Variants in NPAS3 observed in about 807,000 individuals in gnomAD.
The protein encoded by NPAS3 is neuronal PAS domain-containing protein 3.
A neutral mutation model predicts 73.1 loss-of-function variants in NPAS3; 14 were observed. The observed-to-expected ratio is 0.19, with a 90% CI of 0.13 to 0.30. NPAS3 has a LOEUF of 0.30. Among genes scored for constraint, NPAS3 ranks in the 10% least tolerant of loss-of-function variants. The pLI, the probability that NPAS3 is intolerant of heterozygous loss-of-function variation, is 1.00. For synonymous variants in NPAS3, 620 were observed against 541.5 expected, an observed-to-expected ratio of 1.14 and a Z score of -2.01; for missense variants, 1,096 against 1,250.0, an observed-to-expected ratio of 0.88 and a Z score of 1.86.
At chr14:33,358,267 T>G (rs140171012) in intron 3 of NPAS3, among the ~76,000 whole-genome samples, 141 of 152,198 alleles carry the variant, frequency 9.3e-4, no homozygotes, top group Admixed American at 5.8e-3. Context: ...ATTGTAAAGT[T>G]GGGGTTTTCA....
At chr14:33,637,915 G>T (rs1023591789) in intron 5 of NPAS3, among the ~76,000 whole-genome samples, 2 of 152,200 alleles carry the variant, frequency 1.3e-5, no homozygotes, top group African/African-American at 4.8e-5. Flanking sequence ...CCACAAAGGA[G>T]CTGGGCTTTA....
chr14:33,771,709 G>T lies in NPAS3; in HGVS notation c.853-2628G>T, dbSNP rs1227195448. The stretch of plus-strand genomic sequence containing the variant: ...GCCTGTGGTCCCAGCTACTCAGGAG[G>T]CTGAGGCAGGAGAATGGCGTGAACC... On this transcript the variant is annotated intron_variant, in intron 7 of 11. Coordinates refer to ENST00000356141, the Ensembl canonical transcript of NPAS3. 5.3e-5 allele frequency among the ~76,000 whole-genome samples: 8 copies of T among 152,224 alleles called. No individual in the cohort carries two copies. The East Asian group carries it at 1.5e-3, about 29-fold the overall frequency.
At chr14:33,742,143 A>C (rs2061670678) in intron 7 of NPAS3, among the ~76,000 whole-genome samples, 1 of 152,194 alleles carries the variant, frequency 6.6e-6, no homozygotes, top group Non-Finnish European at 1.5e-5. Flanking sequence ...AGACCTAAGA[A>C]CTAAAAAACA....
chr14:33,445,170 G>T (rs2049428494), intron 4 of NPAS3, among the ~76,000 whole-genome samples: 1 of 152,100 alleles, frequency 6.6e-6, no homozygotes, highest in Non-Finnish European at 1.5e-5. Context: ...TGTTCTCCAT[G>T]CATGAGTCAC....
intron 4 of NPAS3, among the ~76,000 whole-genome samples, chr14:33,471,861 C>T (rs982257369): frequency 5.3e-5 from 8 of 152,188 alleles, no homozygotes; most frequent in African/African-American, 9.7e-5. Flanking sequence ...TCTGTATTTA[C>T]AGCCGCTCCC....
intron 10 of NPAS3, among the ~76,000 whole-genome samples, chr14:33,797,054 G>A (rs1430019224): frequency 6.6e-6 from 1 of 152,142 alleles, no homozygotes. Context: ...CAAAACAAAG[G>A]TACTGAGGCC....
chr14:33,247,352 C>T lies in NPAS3; in HGVS notation c.385+31926C>T, dbSNP rs190768807. On this transcript the variant is annotated intron_variant, in intron 3 of 11. Coordinates refer to ENST00000356141, the Ensembl canonical transcript of NPAS3. ...CCTCAAATAGCTGATTATGAATAGA[C>T]GGTATTGCCTTTTGTTTTACATTAC... is the stretch of plus-strand genomic sequence containing the variant. Among the ~76,000 whole-genome samples, 533 of 152,194 alleles carry T rather than the reference C, an allele frequency of 3.5e-3. 4 individuals are homozygous for T. The highest frequency in any genetic ancestry group is 0.012 in the African/African-American group (503 of 41,514).
At chr14:33,357,166 T>C (rs1444042285) in intron 3 of NPAS3, among the ~76,000 whole-genome samples, 2 of 152,212 alleles carry the variant, frequency 1.3e-5, no homozygotes, top group Non-Finnish European at 2.9e-5. Flanking sequence ...CTTTTGTTTA[T>C]GTGAAATTAG....
chr14:32,937,235 A>C (rs1480269971), upstream of NPAS3, among the ~76,000 whole-genome samples: 1 of 152,080 alleles, frequency 6.6e-6, no homozygotes. Flanking sequence ...GGACAGACTT[A>C]GTTTCCGCTT....
At chr14:33,501,380 A>C (rs1312830343) in intron 4 of NPAS3, among the ~76,000 whole-genome samples, 1 of 151,898 alleles carries the variant, frequency 6.6e-6, no homozygotes, top group Non-Finnish European at 1.5e-5. Flanking sequence ...GTAGTATTAA[A>C]AGGTGGATTT....
chr14:33,249,884 C>T (rs1010651537), intron 3 of NPAS3, among the ~76,000 whole-genome samples: 3 of 151,332 alleles, frequency 2.0e-5, no homozygotes, highest in Non-Finnish European at 2.9e-5. Flanking sequence ...TCTATTGTAA[C>T]GCGTTTGGAA....
intron 1 of NPAS3, among the ~76,000 whole-genome samples, chr14:32,946,627 A>G (rs1011354138): frequency 6.6e-6 from 1 of 152,192 alleles, no homozygotes; most frequent in Non-Finnish European, 1.5e-5. Flanking sequence ...CTTCTTTAAA[A>G]ATAATAGGTA....
At chr14:33,790,058 T>A (rs1253984716) in intron 9 of NPAS3, among the ~76,000 whole-genome samples, 2 of 152,230 alleles carry the variant, frequency 1.3e-5, no homozygotes, top group Non-Finnish European at 2.9e-5. Flanking sequence ...CTAGACCATA[T>A]GACAAGGATG....
chr14:33,778,692 G>C (rs2062893899), intron 9 of NPAS3, 120 bp downstream of exon 9: 1 of 674,942 alleles, frequency 1.5e-6, no homozygotes, highest in African/African-American at 1.8e-5. Flanking sequence ...ATGACTGTCA[G>C]TGTGCAGTGA....
At chr14:33,538,871 C>T (rs1179068633) in intron 4 of NPAS3, among the ~76,000 whole-genome samples, 2 of 152,176 alleles carry the variant, frequency 1.3e-5, no homozygotes, top group Admixed American at 1.3e-4. Flanking sequence ...AAACCTTACC[C>T]ACCCCCAACA....
chr14:33,054,739 A>G (rs1174258945), intron 1 of NPAS3, among the ~76,000 whole-genome samples: 1 of 151,860 alleles, frequency 6.6e-6, no homozygotes, highest in East Asian at 1.9e-4. Context: ...CAGCCTCCCA[A>G]GTAGCTGGGA....
intron 1 of NPAS3, 87 bp from the exon 2 acceptor site, chr14:33,055,807 AGCAAAATATAT>A: frequency 1.5e-6 from 1 of 686,190 alleles, no homozygotes. Context: ...AAGCGTAAAA[AGCAAAATATAT>A]TGAATTTCAA....
chr14:33,321,367 C>A (rs74862187), intron 3 of NPAS3, among the ~76,000 whole-genome samples: 1 of 152,000 alleles, frequency 6.6e-6, no homozygotes, highest in African/African-American at 2.4e-5. Context: ...GTAGGGTGTT[C>A]CAGGTTATCT....
intron 1 of NPAS3, among the ~76,000 whole-genome samples, chr14:33,021,251 T>C (rs2039586986): frequency 6.6e-6 from 1 of 152,300 alleles, no homozygotes; most frequent in South Asian, 2.1e-4. Context: ...TCAAAGCCAG[T>C]GCTTCAATGC....
Sources: allele counts gnomAD v4.1 joint callset (sites outside exome capture counted in the v4.1 genomes callset), GRCh38; gene constraint gnomAD v4.1.1; transcripts MANE v1.5; gene names NCBI Gene and HGNC (gene_info 2026-07-23, HGNC 2026-07-21).